PCID2: variants seen among roughly 807,000 people sequenced by gnomAD.
PCID2 encodes PCI domain-containing protein 2.
PCID2 carries 41 observed loss-of-function variants against 61.3 expected under a neutral mutation model. That is an observed-to-expected ratio of 0.67 (90% CI 0.52 to 0.87). The LOEUF (loss-of-function observed/expected upper bound fraction) is 0.87. Ranked by LOEUF, PCID2 falls within the 40% of genes least tolerant of loss-of-function variation. The probability of loss-of-function intolerance (pLI) is 0.00; values close to 1 mark genes in which losing one functional copy is unlikely to be tolerated. For missense variants in PCID2, 392 were observed against 493.4 expected (o/e 0.79, Z 1.95); for synonymous variants, 187 against 177.8 (o/e 1.05, Z -0.41).
downstream of PCID2, among the ~76,000 whole-genome samples, chr13:113,177,083 T>C (rs1417538856): frequency 3.3e-5 from 5 of 152,254 alleles, no homozygotes; most frequent in Non-Finnish European, 5.9e-5. Context: ...CCCTTCAGTT[T>C]CCACTCTCAG....
At chr13:113,193,430 A>G (rs2138829532) in intron 6 of PCID2, among the ~76,000 whole-genome samples, 1 of 152,338 alleles carries the variant, frequency 6.6e-6, no homozygotes, top group South Asian at 2.1e-4. Context: ...TTTACTCAAA[A>G]CAGTGTACTG....
intron 1 of PCID2, among the ~76,000 whole-genome samples, chr13:113,207,169 C>T (rs1175822180): frequency 6.6e-6 from 1 of 152,194 alleles, no homozygotes; most frequent in African/African-American, 2.4e-5. Context: ...GTTCTCATAT[C>T]CAGATGTGTT....
intron 9 of PCID2, chr13:113,183,761 T>G: frequency 1.0e-6 from 1 of 984,802 alleles, no homozygotes; most frequent in Non-Finnish European, 1.2e-6. Context: ...AAAAGAAGAC[T>G]AGTTTCCTGT....
At chr13:113,166,092 T>C in the PCID2 span, 1 of 152,270 alleles carries the variant, frequency 6.6e-6, no homozygotes, top group Non-Finnish European at 1.5e-5. Context: ...TTTCCTTGCC[T>C]TTCAGGCCTC....
chr13:113,170,604 AT>A, the PCID2 span: 1 of 947,196 alleles, frequency 1.1e-6, no homozygotes. Flanking sequence ...GAAATGACAA[AT>A]TTAAAACTGG....
the PCID2 span, chr13:113,172,432 TGTGCTCAGGGA>T: frequency 8.0e-6 from 3 of 375,676 alleles, no homozygotes; most frequent in Non-Finnish European, 1.5e-5. Context: ...CAGTGTTCCC[TGTGCTCAGGGA>T]ATAGCCACCC....
the PCID2 span, among the ~76,000 whole-genome samples, chr13:113,166,837 T>A: frequency 6.6e-6 from 1 of 152,110 alleles, no homozygotes; most frequent in Non-Finnish European, 1.5e-5. Context: ...CTGCAGGCTG[T>A]CTCCAGCTTC....
Position 113,178,100 on chromosome 13 carries a change from G to A in PCID2, c.*98C>T. The A allele has an allele frequency of 1.3e-6, 1 of 776,796 alleles. No homozygotes were observed. Among genetic ancestry groups the A allele is most frequent in the South Asian group, 1.8e-5 (1 of 55,982 alleles). The allele number at this position is 776,796 out of a possible 1,614,324, so 48.1% of individuals were successfully genotyped here. A position where few individuals can be genotyped will look rare whatever the true frequency, so the allele number is the denominator to read the frequency against. ...GGGAAAAGCGCCTCCAAGAGTTCCG[G>A]CTTCAGGGAGCCTTGTTGCAGTACC... On this transcript the variant is annotated 3_prime_UTR_variant, in exon 14 of 14. Coordinates refer to ENST00000337344, the MANE Select transcript of PCID2 (RefSeq NM_001127202.4).
chr13:113,175,559 T>C (rs9549681), downstream of PCID2, among the ~76,000 whole-genome samples: 26,138 of 152,146 alleles, frequency 0.17, 2,909 homozygotes, highest in South Asian at 0.41. Context: ...GGGGCCCCAC[T>C]GGACACATGG....
chr13:113,182,137 G>A (rs1025335832), intron 9 of PCID2, among the ~76,000 whole-genome samples: 1 of 152,180 alleles, frequency 6.6e-6, no homozygotes, highest in Non-Finnish European at 1.5e-5. Context: ...AGCTGCAGAG[G>A]CCCTCCCTTA....
the PCID2 span, chr13:113,165,949 C>T: frequency 6.6e-6 from 1 of 152,342 alleles, no homozygotes; most frequent in East Asian, 1.9e-4. Flanking sequence ...CATTCTGGGT[C>T]CATTTGCTGT....
chr13:113,193,976 AG>A (rs2038812032), intron 6 of PCID2, among the ~76,000 whole-genome samples: 1 of 152,150 alleles, frequency 6.6e-6, no homozygotes, highest in South Asian at 2.1e-4. Flanking sequence ...CGGACATTTG[AG>A]GCACTACCTG....
intron 13 of PCID2, 69 bp from the exon 14 acceptor site, chr13:113,178,356 T>C (rs1335175566): frequency 8.6e-7 from 1 of 1,163,930 alleles, no homozygotes; most frequent in Admixed American, 1.7e-5. Flanking sequence ...TGCTGGGTGA[T>C]CTAATTAATT....
At chr13:113,165,174 T>C in the PCID2 span, 307 of 1,531,148 alleles carry the variant, frequency 2.0e-4, 2 homozygotes, top group South Asian at 3.2e-3. Flanking sequence ...TTCACCTCAC[T>C]TGTCATTTCC....
chr13:113,196,691 A>G (rs2039040968), intron 4 of PCID2, among the ~76,000 whole-genome samples: 1 of 152,238 alleles, frequency 6.6e-6, no homozygotes, highest in Non-Finnish European at 1.5e-5. Flanking sequence ...AGAGATACAT[A>G]CAAATCCTTA....
chr13:113,172,151 T>G, the PCID2 span: 1 of 1,602,898 alleles, frequency 6.2e-7, no homozygotes, highest in African/African-American at 1.3e-5. Context: ...GGAAGCGGGA[T>G]TCCAAGCTGG....
chr13:113,207,802 A>C (rs143185790), intron 1 of PCID2, among the ~76,000 whole-genome samples: 68 of 152,254 alleles, frequency 4.5e-4, no homozygotes, highest in African/African-American at 1.6e-3. Context: ...CCCAGATTAC[A>C]AGCCTGGGAA....
chr13:113,188,492 T>C (rs552191269), intron 7 of PCID2: 1 of 152,260 alleles, frequency 6.6e-6, no homozygotes, highest in African/African-American at 2.4e-5. Context: ...ACCTGGCCTT[T>C]GCAGGGCCTC....
At chr13:113,202,089 C>T (rs996750487) in intron 1 of PCID2, among the ~76,000 whole-genome samples, 1 of 152,282 alleles carries the variant, frequency 6.6e-6, no homozygotes, top group African/African-American at 2.4e-5. Context: ...AAGGCTCACA[C>T]ATTGGTGATG....
Sources: allele counts gnomAD v4.1 joint callset (sites outside exome capture counted in the v4.1 genomes callset), GRCh38; gene constraint gnomAD v4.1.1; transcripts MANE v1.5; gene names NCBI Gene and HGNC (gene_info 2026-07-23, HGNC 2026-07-21).